The following KCTD1 variants were observed in gnomAD, a reference collection of about 807,000 sequenced individuals.
The protein encoded by KCTD1 is potassium channel tetramerization domain containing 1.
Under a neutral mutation model 66.0 loss-of-function variants are expected in KCTD1, and 24 were observed. The observed-to-expected ratio is 0.36, with a 90% CI of 0.26 to 0.51. The LOEUF (loss-of-function observed/expected upper bound fraction) is 0.51. Among genes scored for constraint, KCTD1 ranks in the 20% least tolerant of loss-of-function variants. KCTD1 has a pLI of 0.95. For missense variants in KCTD1, 943 were observed against 1,205.2 expected (o/e 0.78, Z 3.22); for synonymous variants, 511 against 517.2 (o/e 0.99, Z 0.16).
chr18:26,533,563 G>A lies in KCTD1; in HGVS notation c.1809+13165C>T, dbSNP rs1361327166. On this transcript the variant is annotated intron_variant, in intron 1 of 4. Transcript: ENST00000580059. ...AGCGCAGGCTGTAGTGCAGTGGCACGATCTTGGCTCACTGCAACCTCCACC... is the reference window on the plus strand; with the variant it reads ...AGCGCAGGCTGTAGTGCAGTGGCACAATCTTGGCTCACTGCAACCTCCACC... Among the ~76,000 whole-genome samples the A allele has an allele frequency of 3.9e-5, 6 of 152,172 alleles. No homozygotes were observed. The South Asian group carries it at 6.2e-4, about 16-fold the overall frequency.
intron 2 of KCTD1, 148 bp downstream of exon 2, chr18:26,500,924 A>T: frequency 1.3e-6 from 1 of 751,428 alleles, no homozygotes; most frequent in East Asian, 2.6e-5. Context: ...TGTCCAAGAC[A>T]TCCAGCCTAG....
Position 26,600,309 on chromosome 18 carries a change from A to T in KCTD1, c.-16+28838T>A. ...CAGCCTTCAAACCTGGGGAAAAGGC[A>T]CTTCTGAGCAATAGCAATCTTCATG... On this transcript the variant is annotated intron_variant, in intron 1 of 4. Coordinates refer to the KCTD1 transcript ENST00000317932. 5.0e-6 allele frequency: 8 copies of T among 1,585,336 alleles called. No homozygotes were observed. In the South Asian group the frequency reaches 6.6e-5, roughly 13 times the overall value.
intron 3 of KCTD1, among the ~76,000 whole-genome samples, chr18:26,469,492 TA>T: frequency 6.6e-6 from 1 of 152,232 alleles, no homozygotes; most frequent in Admixed American, 6.5e-5. Context: ...GTGCCTAAAA[TA>T]CCTGGCTCAG....
At chr18:26,562,424 G>T (rs1246148338) in intron 1 of KCTD1, among the ~76,000 whole-genome samples, 1 of 148,986 alleles carries the variant, frequency 6.7e-6, no homozygotes, top group Non-Finnish European at 1.5e-5. Flanking sequence ...TGTGAAGCCC[G>T]GTGGGGGGTG....
chr18:26,640,214 T>C (rs1474078255), intron 1 of KCTD1: 1 of 152,402 alleles, frequency 6.6e-6, no homozygotes, highest in African/African-American at 2.4e-5. Flanking sequence ...AGTGGGAGGA[T>C]TGCTTGAGCC....
At chr18:26,521,014 C>A (rs892103138) in intron 1 of KCTD1, among the ~76,000 whole-genome samples, 3 of 152,244 alleles carry the variant, frequency 2.0e-5, no homozygotes, top group Admixed American at 2.0e-4. Context: ...ATTGTGGAAC[C>A]TTTTCTTTTC....
chr18:26,601,912 T>C (rs901065173), intron 1 of KCTD1, among the ~76,000 whole-genome samples: 1 of 152,190 alleles, frequency 6.6e-6, no homozygotes, highest in Non-Finnish European at 1.5e-5. Flanking sequence ...GTATTTTATA[T>C]ATTAAAAATT....
chr18:26,639,644 A>G (rs945049011), intron 1 of KCTD1, among the ~76,000 whole-genome samples: 3 of 152,088 alleles, frequency 2.0e-5, no homozygotes, highest in African/African-American at 7.2e-5. Context: ...CCCCCATCCC[A>G]TCGTAGTTAT....
intron 1 of KCTD1, among the ~76,000 whole-genome samples, chr18:26,610,588 A>AGC (rs1271374115): frequency 1.4e-5 from 2 of 144,694 alleles, no homozygotes; most frequent in Non-Finnish European, 3.0e-5. Context: ...AGAGAGAGAG[A>AGC]GAAAGAAAGG....
intron 3 of KCTD1, among the ~76,000 whole-genome samples, chr18:26,460,564 G>C (rs1251580477): frequency 6.6e-6 from 1 of 152,150 alleles, no homozygotes. Context: ...GAGGCTGGTG[G>C]ACAGCTGGAA....
At chr18:26,597,803 G>A (rs375180364) in intron 1 of KCTD1, among the ~76,000 whole-genome samples, 4 of 152,082 alleles carry the variant, frequency 2.6e-5, no homozygotes, top group Non-Finnish European at 5.9e-5. Context: ...ACAGGGGTCC[G>A]CTGCCACATC....
intron 2 of KCTD1, among the ~76,000 whole-genome samples, chr18:26,478,875 G>T (rs1356724121): frequency 6.6e-6 from 1 of 152,152 alleles, no homozygotes; most frequent in East Asian, 1.9e-4. Flanking sequence ...GCAATAGAAA[G>T]TATTCCAAGC....
At chr18:26,516,438 C>T (rs535397329) in intron 1 of KCTD1, among the ~76,000 whole-genome samples, 1 of 152,136 alleles carries the variant, frequency 6.6e-6, no homozygotes, top group African/African-American at 2.4e-5. Context: ...CTTCAGTCCT[C>T]CCGCCAACCA....
upstream of KCTD1, among the ~76,000 whole-genome samples, chr18:26,642,874 T>C (rs1458575604): frequency 2.1e-5 from 1 of 47,362 alleles, no homozygotes; most frequent in Non-Finnish European, 4.1e-5. Context: ...AAGTACAACC[T>C]GCGGGGAGGG....
intron 1 of KCTD1, among the ~76,000 whole-genome samples, chr18:26,540,694 G>A (rs1053178702): frequency 6.6e-6 from 1 of 152,092 alleles, no homozygotes; most frequent in Non-Finnish European, 1.5e-5. Flanking sequence ...TGATTTTCTT[G>A]ATAACATTTT....
intron 1 of KCTD1, among the ~76,000 whole-genome samples, chr18:26,576,749 A>G (rs2144910289): frequency 6.6e-6 from 1 of 152,342 alleles, no homozygotes. Context: ...TGACATTTCT[A>G]CTTAATATAT....
chr18:26,535,116 G>GC (rs1567984078), intron 1 of KCTD1, among the ~76,000 whole-genome samples: 4 of 138,480 alleles, frequency 2.9e-5, no homozygotes, highest in African/African-American at 8.0e-5. Context: ...TTGGGGGGTG[G>GC]GGGTGGAGCT....
upstream of KCTD1, among the ~76,000 whole-genome samples, chr18:26,550,565 G>GACACACACACACACACACACACAC (rs60922405): frequency 1.4e-4 from 20 of 140,580 alleles, no homozygotes; most frequent in African/African-American, 5.1e-4. The surrounding 1 kb of genome is among the most constrained non-coding windows in gnomAD (Gnocchi z 5.4). Context: ...AAGACACACA[G>GACACACACACACACACACACACAC]ACACACACAC....
chr18:26,520,542 G>A (rs1983861780), intron 1 of KCTD1, among the ~76,000 whole-genome samples: 2 of 152,124 alleles, frequency 1.3e-5, no homozygotes, highest in Admixed American at 6.5e-5. Context: ...GGTGGATGTC[G>A]ACACATGCTA....
Sources: gnomAD v4.1 joint callset for allele counts (sites outside exome capture counted in the v4.1 genomes callset) on GRCh38, gnomAD v4.1.1 for gene constraint, Gnocchi (gnomAD v3.1) non-coding constraint, MANE v1.5 for transcripts, NCBI Gene and HGNC (gene_info 2026-07-23, HGNC 2026-07-21) for gene names.